PDE4D: variants seen among roughly 807,000 people sequenced by gnomAD.
PDE4D encodes the protein 3',5'-cyclic-AMP phosphodiesterase 4D.
Under a neutral mutation model 87.4 loss-of-function variants are expected in PDE4D, and 24 were observed. The observed-to-expected ratio is 0.27, with a 90% confidence interval of 0.20 to 0.39. The LOEUF (loss-of-function observed/expected upper bound fraction) is 0.39, where lower values mean the gene tolerates loss of function less well. Among genes scored for constraint, PDE4D ranks in the 10% least tolerant of loss-of-function variants. The pLI is 1.00. For missense variants in PDE4D, 714 were observed against 1,041.0 expected (o/e 0.69, Z 4.32); for synonymous variants, 384 against 383.2 (o/e 1.00, Z -0.02).
At chr5:59,491,729 TCTAA>T (rs902935375) in intron 1 of PDE4D, among the ~76,000 whole-genome samples, 5 of 152,210 alleles carry the variant, frequency 3.3e-5, no homozygotes, top group Admixed American at 1.3e-4. Flanking sequence ...TCTTACTTAA[TCTAA>T]CTATCTAATA....
chr5:59,058,459 A>G (rs1050914197), intron 5 of PDE4D, among the ~76,000 whole-genome samples: 1 of 152,164 alleles, frequency 6.6e-6, no homozygotes, highest in Non-Finnish European at 1.5e-5. Flanking sequence ...CCTTATAGGT[A>G]CAGAGTCCAT....
chr5:59,122,999 T>C (rs1386491358), intron 5 of PDE4D, among the ~76,000 whole-genome samples: 2 of 152,144 alleles, frequency 1.3e-5, no homozygotes, highest in Non-Finnish European at 2.9e-5. Context: ...TTAGGGTTTT[T>C]AAAATGGCAT....
chr5:59,164,317 T>C (rs897751105), intron 5 of PDE4D, among the ~76,000 whole-genome samples: 6 of 152,212 alleles, frequency 3.9e-5, no homozygotes, highest in African/African-American at 1.4e-4. Context: ...CTTCCAATTC[T>C]AAAGATGATT....
intron 1 of PDE4D, among the ~76,000 whole-genome samples, chr5:59,782,388 G>A (rs1231874449): frequency 1.3e-5 from 2 of 152,162 alleles, no homozygotes; most frequent in East Asian, 3.8e-4. Flanking sequence ...AGTGTAGCAC[G>A]TAAGTGTTCA....
chr5:59,544,152 T>C (rs917460115), intron 1 of PDE4D, among the ~76,000 whole-genome samples: 5 of 152,176 alleles, frequency 3.3e-5, no homozygotes, highest in Admixed American at 2.6e-4. Context: ...CTGTCATCAT[T>C]CTGCAGCAAG....
chr5:59,401,315 C>T (rs778518989), intron 1 of PDE4D, among the ~76,000 whole-genome samples: 20 of 151,940 alleles, frequency 1.3e-4, no homozygotes, highest in Non-Finnish European at 2.4e-4. Flanking sequence ...CATGGTGGTG[C>T]ACACCTGTAG....
chr5:59,411,067 A>T (rs1792596337), intron 1 of PDE4D, among the ~76,000 whole-genome samples: 1 of 152,182 alleles, frequency 6.6e-6, no homozygotes, highest in Admixed American at 6.5e-5. Flanking sequence ...CTGGTCTCCT[A>T]GCTGAGCAGG....
intron 1 of PDE4D, among the ~76,000 whole-genome samples, chr5:59,416,164 T>A (rs529550300): frequency 6.6e-6 from 1 of 152,332 alleles, no homozygotes; most frequent in South Asian, 2.1e-4. Context: ...CAAATTCCCC[T>A]TTCTTGGTAT....
rs765380141 is a variant in PDE4D, at chr5:58,974,827, A to G, written c.2267T>C (p.Val756Ala). ...SDTEKDSGSQVEEDTSCSDSK... is the reference protein window; with the variant it reads ...SDTEKDSGSQAEEDTSCSDSK... ...GTCACTGCAGCTAGTGTCTTCTTCC[A>G]CTTGACTGCCACTGTCCTTTTCCGT... The change falls in exon 15 of 15, where the codon GTG becomes GCG. Residue 756 changes from valine to alanine, a missense_variant. Physicochemically the swap from Val to Ala is moderately conservative, Grantham distance 64. This residue lies in a region of PDE4D where 90 missense variants were observed against 95.3 expected (regional missense o/e 0.94). Transcript: ENST00000340635. 1.9e-4 allele frequency: 308 copies of G among 1,613,366 alleles called. No individual in the cohort carries two copies. Among genetic ancestry groups the G allele is most frequent in the Non-Finnish European group, 2.5e-4 (300 of 1,179,658 alleles).
intron 2 of PDE4D, among the ~76,000 whole-genome samples, chr5:60,092,419 A>G (rs995494230): frequency 3.3e-5 from 5 of 152,198 alleles, no homozygotes; most frequent in Non-Finnish European, 5.9e-5. Flanking sequence ...ATATTGCAAA[A>G]TAGCTAGAAG....
At chr5:60,127,530 T>G (rs1237787614) in intron 2 of PDE4D, 1 of 444,126 alleles carries the variant, frequency 2.3e-6, no homozygotes, top group Non-Finnish European at 4.0e-6. Flanking sequence ...GAGGGATAGA[T>G]GCAGCGCATA....
chr5:59,141,355 T>C (rs892273040), intron 5 of PDE4D, among the ~76,000 whole-genome samples: 2 of 152,198 alleles, frequency 1.3e-5, no homozygotes, highest in African/African-American at 2.4e-5. Context: ...TAGGCCACAT[T>C]TGTTTTGTTG....
At chr5:59,396,807 C>A (rs200869976) in intron 1 of PDE4D, among the ~76,000 whole-genome samples, 1 of 103,606 alleles carries the variant, frequency 9.7e-6, no homozygotes, top group Non-Finnish European at 2.0e-5. Context: ...AAAGAGTCAA[C>A]ACCCATCAGT....
intron 1 of PDE4D, among the ~76,000 whole-genome samples, chr5:59,671,493 T>C (rs1194455594): frequency 6.6e-6 from 1 of 152,160 alleles, no homozygotes; most frequent in Non-Finnish European, 1.5e-5. Context: ...AAACCAAGTA[T>C]TTCTTCATAT....
At chr5:60,102,465 A>G (rs1268367647) in intron 2 of PDE4D, among the ~76,000 whole-genome samples, 2 of 152,120 alleles carry the variant, frequency 1.3e-5, no homozygotes, top group Non-Finnish European at 2.9e-5. Flanking sequence ...TCAGGTAGGT[A>G]GGAAAGCAAG....
chr5:59,228,816 C>G (rs1176967381), intron 1 of PDE4D, among the ~76,000 whole-genome samples: 2 of 152,144 alleles, frequency 1.3e-5, no homozygotes, highest in African/African-American at 4.8e-5. Flanking sequence ...CTTGTTCACT[C>G]TGCTCAGCCT....
intron 1 of PDE4D, among the ~76,000 whole-genome samples, chr5:59,865,316 T>C (rs1746857050): frequency 6.6e-6 from 1 of 152,228 alleles, no homozygotes; most frequent in Admixed American, 6.5e-5. Flanking sequence ...AACGAATATA[T>C]TTTGGTAATT....
At chr5:59,829,373 T>C (rs7703963) in intron 1 of PDE4D, among the ~76,000 whole-genome samples, 37,709 of 152,004 alleles carry the variant, frequency 0.25, 5,211 homozygotes, top group Admixed American at 0.35. Context: ...TACCCAATTA[T>C]GTAAATTACT....
At chr5:59,480,614 T>C (rs1249246540) in intron 1 of PDE4D, among the ~76,000 whole-genome samples, 1 of 152,184 alleles carries the variant, frequency 6.6e-6, no homozygotes, top group Non-Finnish European at 1.5e-5. Flanking sequence ...GAGAGGTTAA[T>C]GGGTCCAATA....
Sources: gnomAD v4.1 joint callset for allele counts (sites outside exome capture counted in the v4.1 genomes callset) on GRCh38, gnomAD v4.1.1 for gene constraint, gnomAD v4.1.1 regional missense constraint, MANE v1.5 for transcripts, NCBI Gene and HGNC (gene_info 2026-07-23, HGNC 2026-07-21) for gene names.